Variants in RTKN2 observed in about 807,000 individuals in gnomAD.
RTKN2 encodes rhotekin 2, also known as rhotekin-2.
RTKN2 carries 69 observed loss-of-function variants against 71.5 expected under a neutral mutation model. That is an observed-to-expected ratio of 0.96 (90% confidence interval 0.79 to 1.18). The LOEUF is 1.18. Ranked by LOEUF, RTKN2 falls within the 50% of genes most tolerant of loss-of-function variation. The probability of loss-of-function intolerance (pLI) is 0.00; values close to 1 mark genes in which losing one functional copy is unlikely to be tolerated. For synonymous variants in RTKN2, 236 were observed against 236.5 expected (o/e 1.00, Z 0.02); for missense variants, 724 against 719.7 (o/e 1.01, Z -0.07).
chr10:62,190,164 GC>G (rs373069564), downstream of RTKN2, among the ~76,000 whole-genome samples: 153 of 152,232 alleles, frequency 1.0e-3, 1 homozygote, highest in African/African-American at 3.4e-3. Context: ...TTCATTTAGG[GC>G]TTTAATGCAA....
chr10:62,260,159 A>G (rs1842747591), intron 2 of RTKN2, among the ~76,000 whole-genome samples: 1 of 152,230 alleles, frequency 6.6e-6, no homozygotes, highest in African/African-American at 2.4e-5. Context: ...AAACTAAGGT[A>G]CAGACTGCTA....
chr10:62,241,429 C>T (rs1018389643), intron 3 of RTKN2, among the ~76,000 whole-genome samples: 5 of 152,134 alleles, frequency 3.3e-5, no homozygotes, highest in Non-Finnish European at 5.9e-5. Flanking sequence ...ACTGTTCTAA[C>T]TCCATATATA....
Position 62,194,270 on chromosome 10 carries a change from A to T in RTKN2, c.*3638T>A. 1 of 984,598 alleles carries T rather than the reference A, an allele frequency of 1.0e-6. No homozygotes were observed. Among genetic ancestry groups the T allele is most frequent in the South Asian group, 4.7e-5 (1 of 21,284 alleles). 61.0% of individuals were successfully genotyped at this position (984,598 alleles called of 1,614,324 possible). The stretch of plus-strand genomic sequence containing the variant: ...TTCCCAGAGTTAACTAAGAACATCT[A>T]TGATCCAGAATATGCAGATTTCATT... On this transcript the variant is annotated 3_prime_UTR_variant, in exon 12 of 12. Coordinates refer to ENST00000373789, the MANE Select transcript of RTKN2 (RefSeq NM_145307.4).
intron 4 of RTKN2, among the ~76,000 whole-genome samples, chr10:62,240,694 A>G (rs1389122608): frequency 9.4e-6 from 1 of 106,816 alleles, no homozygotes; most frequent in Non-Finnish European, 2.0e-5. Context: ...GACTGTATAA[A>G]ACCATAAAAT....
At chr10:62,205,706 C>A (rs1841536261) in intron 9 of RTKN2, among the ~76,000 whole-genome samples, 1 of 152,002 alleles carries the variant, frequency 6.6e-6, no homozygotes, top group Non-Finnish European at 1.5e-5. Flanking sequence ...TAGTCTAAAC[C>A]TTTTTTCTGA....
At chr10:62,265,687 A>T (rs1054625433) in intron 1 of RTKN2, among the ~76,000 whole-genome samples, 2 of 151,916 alleles carry the variant, frequency 1.3e-5, no homozygotes, top group Non-Finnish European at 2.9e-5. Flanking sequence ...CTGGTTAAGC[A>T]GTGCTAGCTC....
At chr10:62,264,764 G>C (rs574924779) in intron 1 of RTKN2, among the ~76,000 whole-genome samples, 1 of 152,066 alleles carries the variant, frequency 6.6e-6, no homozygotes, top group Non-Finnish European at 1.5e-5. Flanking sequence ...CAGAGAGGAA[G>C]GGCCTTATAG....
chr10:62,186,109 G>A (rs1308534177), intron 8 of RTKN2, among the ~76,000 whole-genome samples: 2 of 152,232 alleles, frequency 1.3e-5, no homozygotes, highest in Non-Finnish European at 2.9e-5. Flanking sequence ...GGTGTGGGCC[G>A]TGGGAGGGAG....
At chr10:62,218,615 T>C (rs1841831952) in intron 7 of RTKN2, among the ~76,000 whole-genome samples, 1 of 151,850 alleles carries the variant, frequency 6.6e-6, no homozygotes, top group Non-Finnish European at 1.5e-5. Flanking sequence ...TCAGAGAATA[T>C]AAGTGATCTC....
At chr10:62,217,786 A>C (rs1841807385) in intron 8 of RTKN2, among the ~76,000 whole-genome samples, 3 of 152,208 alleles carry the variant, frequency 2.0e-5, no homozygotes, top group Non-Finnish European at 1.5e-5. Context: ...ATGGTTATAA[A>C]TAAATCAGCA....
At chr10:62,215,747 C>A (rs1323715884) in intron 9 of RTKN2, among the ~76,000 whole-genome samples, 1 of 151,878 alleles carries the variant, frequency 6.6e-6, no homozygotes, top group Non-Finnish European at 1.5e-5. Context: ...GAATGGTATA[C>A]AGGTGTTCAT....
chr10:62,189,465 C>A (rs1841185984), downstream of RTKN2, among the ~76,000 whole-genome samples: 1 of 152,078 alleles, frequency 6.6e-6, no homozygotes, highest in Admixed American at 6.5e-5. Flanking sequence ...TGCTGAGGAC[C>A]CCTGAGTTTT....
intron 4 of RTKN2, among the ~76,000 whole-genome samples, chr10:62,239,977 A>C (rs2133000082): frequency 6.6e-6 from 1 of 152,252 alleles, no homozygotes; most frequent in South Asian, 2.1e-4. Context: ...GCAAAAAATA[A>C]AGTTAAATAT....
intron 6 of RTKN2, 34 bp downstream of exon 6, chr10:62,236,026 GTATAAT>G: frequency 1.5e-6 from 2 of 1,321,498 alleles, no homozygotes; most frequent in Non-Finnish European, 2.2e-6. Flanking sequence ...TATCACAAAT[GTATAAT>G]TATGTCACCA....
At chr10:62,202,137 T>C (rs780486634) in intron 10 of RTKN2, among the ~76,000 whole-genome samples, 2 of 152,146 alleles carry the variant, frequency 1.3e-5, no homozygotes, top group Non-Finnish European at 2.9e-5. Context: ...CTATTGACCA[T>C]CCAGAACATG....
Position 62,198,459 on chromosome 10 carries a change from GA to G in RTKN2, c.1295-17del, listed in dbSNP as rs569344239. 52 of 1,359,538 alleles carry G rather than the reference GA, an allele frequency of 3.8e-5. No homozygotes were observed. Among genetic ancestry groups the G allele is most frequent in the African/African-American group, 7.5e-5 (5 of 66,984 alleles). The allele number at this position is 1,359,538 out of a possible 1,614,324, so 84.2% of individuals were successfully genotyped here. A position where few individuals can be genotyped will look rare whatever the true frequency, so the allele number is the denominator to read the frequency against. On this transcript the variant is annotated splice_polypyrimidine_tract_variant and intron_variant, in intron 11 of 11. Transcript: ENST00000373789. ...GAATCAATGCCTATAATAATTTTAA[GA>G]AAAAAAAACATGAAAAAATTCAAAA...
At chr10:62,244,851 G>T (rs559458784) in intron 3 of RTKN2, among the ~76,000 whole-genome samples, 1 of 152,128 alleles carries the variant, frequency 6.6e-6, no homozygotes, top group Non-Finnish European at 1.5e-5. Flanking sequence ...TTCAGATTTT[G>T]GCCATTTACG....
At position 62,194,903 on chromosome 10, in the gene RTKN2, C is replaced by T. The variant is rs1841291191; in HGVS notation, c.*3005G>A. The T allele has an allele frequency of 1.0e-6, 1 of 985,052 alleles. No homozygotes were observed. Among genetic ancestry groups the T allele is most frequent in the Non-Finnish European group, 1.2e-6 (1 of 829,802 alleles). 61.0% of individuals were successfully genotyped at this position (985,052 alleles called of 1,614,324 possible). A position where few individuals can be genotyped will look rare whatever the true frequency, so the allele number is the denominator to read the frequency against. Reference sequence around the variant, plus strand: ...TTAGTTTTCCACATATATTCACATCCATTTAAAAGAAGTCAGGGGGCACTG... The same window carrying T: ...TTAGTTTTCCACATATATTCACATCTATTTAAAAGAAGTCAGGGGGCACTG... On this transcript the variant is annotated 3_prime_UTR_variant, in exon 12 of 12. Coordinates refer to ENST00000373789, the MANE Select transcript of RTKN2 (RefSeq NM_145307.4).
intron 1 of RTKN2, among the ~76,000 whole-genome samples, chr10:62,263,911 C>T (rs1842822806): frequency 6.6e-6 from 1 of 152,096 alleles, no homozygotes; most frequent in Non-Finnish European, 1.5e-5. Flanking sequence ...GTTTCACACG[C>T]AACATTAAAA....
Sources: gnomAD v4.1 joint callset for allele counts (sites outside exome capture counted in the v4.1 genomes callset) on GRCh38, gnomAD v4.1.1 for gene constraint, MANE v1.5 for transcripts, NCBI Gene and HGNC (gene_info 2026-07-23, HGNC 2026-07-21) for gene names.